The following TENM2 variants were observed in gnomAD, a reference collection of about 807,000 sequenced individuals.
TENM2 encodes teneurin-2.
Under a neutral mutation model 245.2 loss-of-function variants are expected in TENM2, and 52 were observed. The ratio of observed to expected loss-of-function variants is 0.21; its 90% CI spans 0.17 to 0.27. TENM2 has a LOEUF of 0.27. Among genes scored for constraint, TENM2 ranks in the 10% least tolerant of loss-of-function variants. The probability of loss-of-function intolerance (pLI) is 1.00; values close to 1 mark genes in which losing one functional copy is unlikely to be tolerated. For missense variants in TENM2, 3,046 were observed against 3,666.8 expected (o/e 0.83, Z 4.37); for synonymous variants, 1,363 against 1,438.9 (o/e 0.95, Z 1.19).
chr5:168,065,745 G>T (rs1465905923), intron 7 of TENM2, among the ~76,000 whole-genome samples: 1 of 150,894 alleles, frequency 6.6e-6, no homozygotes. Flanking sequence ...CTAATAGAAA[G>T]CAGTCCCCTT....
At chr5:168,058,264 C>T (rs189015043) in intron 6 of TENM2, among the ~76,000 whole-genome samples, 15 of 152,220 alleles carry the variant, frequency 9.9e-5, no homozygotes, top group Non-Finnish European at 1.6e-4. Flanking sequence ...TTACAATACC[C>T]CACCAGATGG....
intron 2 of TENM2, among the ~76,000 whole-genome samples, chr5:167,681,544 T>A (rs1756705815): frequency 6.6e-6 from 1 of 152,182 alleles, no homozygotes; most frequent in African/African-American, 2.4e-5. Flanking sequence ...AATGACAGGA[T>A]ATATGCATAT....
the TENM2 span, among the ~76,000 whole-genome samples, chr5:167,087,556 G>T: frequency 6.6e-6 from 1 of 152,254 alleles, no homozygotes; most frequent in East Asian, 1.9e-4. Flanking sequence ...GACTTGTTCA[G>T]TGCTATATTT....
At chr5:167,682,070 T>TTTCC (rs112858059) in intron 2 of TENM2, among the ~76,000 whole-genome samples, 2 of 135,128 alleles carry the variant, frequency 1.5e-5, no homozygotes, top group Non-Finnish European at 3.1e-5. Flanking sequence ...TCCTTCCTTC[T>TTTCC]TTCCTTCCTT....
Position 168,162,567 on chromosome 5 carries a change from G to T in TENM2, c.2423-44G>T, listed in dbSNP as rs376490398. On this transcript the variant is annotated intron_variant, in intron 12 of 28. Transcript: ENST00000518659. ...CATGGCTCCCCTGCTTCCCCAGCGC[G>T]GCCTCACGTCCCTCCTTCTCATCCT... 5.0e-6 allele frequency: 8 copies of T among 1,600,722 alleles called. No homozygotes were observed. The African/African-American group carries it at 6.7e-5, about 13-fold the overall frequency.
At chr5:167,605,692 T>C (rs1166178157) in intron 2 of TENM2, among the ~76,000 whole-genome samples, 1 of 152,214 alleles carries the variant, frequency 6.6e-6, no homozygotes, top group Non-Finnish European at 1.5e-5. Flanking sequence ...TGCAGGTATA[T>C]ATACATTTAG....
exon 21 of TENM2, chr5:168,215,133 C>A (rs541686088): frequency 5.6e-6 from 9 of 1,613,908 alleles, no homozygotes; most frequent in Non-Finnish European, 7.6e-6. Context: ...TCTACCGCGT[C>A]AAGTCTCTGA....
At chr5:168,072,381 T>C (rs542737712) in intron 7 of TENM2, among the ~76,000 whole-genome samples, 1 of 152,260 alleles carries the variant, frequency 6.6e-6, no homozygotes, top group South Asian at 2.1e-4. Flanking sequence ...TCTACCCTTC[T>C]CTTGGGTTGG....
In TENM2 at chr5:167,352,865, C is replaced by G. The variant is rs966355320; in HGVS notation, c.227-22333C>G. On this transcript the variant is annotated intron_variant, in intron 1 of 28. Transcript: ENST00000518659. ...TTTATTATTTTTTCAAGTAAGCTGT[C>G]TATCACCAAGTTCTGAAGTGGATTT... Among the ~76,000 whole-genome samples the G allele has an allele frequency of 7.9e-5, 12 of 152,272 alleles. No individual in the cohort carries two copies. The East Asian group carries it at 1.9e-3, about 25-fold the overall frequency.
At chr5:167,284,143 T>C (rs1771202778), upstream of TENM2, among the ~76,000 whole-genome samples, 1 of 152,138 alleles carries the variant, frequency 6.6e-6, no homozygotes, top group African/African-American at 2.4e-5. Context: ...GAGAAAAAAC[T>C]GGGAGTTTGC....
intron 5 of TENM2, among the ~76,000 whole-genome samples, chr5:167,997,295 T>TGAA (rs1784122702): frequency 6.6e-6 from 1 of 152,172 alleles, no homozygotes; most frequent in Admixed American, 6.5e-5. Flanking sequence ...GTTTCTCACA[T>TGAA]ACTGTATGAA....
Position 168,247,514 on chromosome 5 carries a change from T to G in TENM2, c.6575T>G (p.Leu2192Arg). Residue 2192 changes from leucine (L) to arginine (R), a missense_variant, in exon 27 of 29, where the codon CTG (leucine) becomes CGG (arginine). By Grantham distance (102) the Leu-to-Arg change is moderately radical. Coordinates refer to ENST00000518659, the Ensembl canonical transcript of TENM2. This position sits in a 1 kb window ranked among gnomAD's most constrained non-coding sequence, Gnocchi z 7.8. ...AGGGTGATCAAGAGGGAGCTAAAACTGGGGCCCTATGCCAATACCACGAAG... is the reference window on the plus strand; with the variant it reads ...AGGGTGATCAAGAGGGAGCTAAAACGGGGGCCCTATGCCAATACCACGAAG... The G allele has an allele frequency of 6.2e-7, 1 of 1,612,698 alleles. No homozygotes were observed. The highest frequency in any genetic ancestry group is 8.5e-7 in the Non-Finnish European group (1 of 1,178,914).
At chr5:167,480,010 G>A (rs62383285) in intron 2 of TENM2, among the ~76,000 whole-genome samples, 3,414 of 152,264 alleles carry the variant, frequency 0.022, 55 homozygotes, top group Non-Finnish European at 0.037. Context: ...TTATAAAGGC[G>A]TCTAAGGCAT....
At chr5:167,649,457 C>T (rs775882126) in intron 2 of TENM2, among the ~76,000 whole-genome samples, 2 of 152,114 alleles carry the variant, frequency 1.3e-5, no homozygotes, top group Non-Finnish European at 2.9e-5. Context: ...TAGTCTAAGG[C>T]GCTTGCACTG....
intron 3 of TENM2, among the ~76,000 whole-genome samples, chr5:167,952,140 T>C (rs1479393171): frequency 1.3e-5 from 2 of 151,866 alleles, no homozygotes; most frequent in African/African-American, 2.4e-5. Flanking sequence ...TATTTAAAGG[T>C]ACTATTCCCT....
chr5:167,417,345 CT>C (rs781724061), intron 2 of TENM2, among the ~76,000 whole-genome samples: 2 of 152,170 alleles, frequency 1.3e-5, no homozygotes, highest in African/African-American at 2.4e-5. Flanking sequence ...GAGTGCAGTG[CT>C]CCCCTCTTAG....
intron 2 of TENM2, among the ~76,000 whole-genome samples, chr5:167,666,547 TA>T (rs571444716): frequency 2.6e-5 from 4 of 152,274 alleles, no homozygotes; most frequent in African/African-American, 9.6e-5. Context: ...TTACTAATAT[TA>T]AATATTAATA....
chr5:167,707,454 G>A (rs970689956), intron 2 of TENM2, among the ~76,000 whole-genome samples: 6 of 151,942 alleles, frequency 3.9e-5, no homozygotes, highest in African/African-American at 1.2e-4. Context: ...TGCTTCTGTT[G>A]CCTGTGCTTT....
At chr5:168,196,750 C>A (rs925325454) in intron 15 of TENM2, among the ~76,000 whole-genome samples, 5 of 152,250 alleles carry the variant, frequency 3.3e-5, no homozygotes, top group African/African-American at 1.2e-4. Flanking sequence ...GCGTGAGCCA[C>A]CGCCCCCAGG....
Sources: allele counts gnomAD v4.1 joint callset (sites outside exome capture counted in the v4.1 genomes callset), GRCh38; gene constraint gnomAD v4.1.1; non-coding constraint Gnocchi (gnomAD v3.1); transcripts MANE v1.5; gene names NCBI Gene and HGNC (gene_info 2026-07-23, HGNC 2026-07-21).